The following GTF2H3 variants were observed in gnomAD, a reference collection of about 807,000 sequenced individuals.
The protein encoded by GTF2H3 is TFIIH basal transcription factor complex p34 subunit.
GTF2H3 carries 42 observed loss-of-function variants against 51.1 expected under a neutral mutation model. The ratio of observed to expected loss-of-function variants is 0.82; its 90% CI spans 0.64 to 1.06. The LOEUF is 1.06. Ranked by LOEUF, GTF2H3 falls within the 50% of genes least tolerant of loss-of-function variation. The pLI, the probability that GTF2H3 is intolerant of heterozygous loss-of-function variation, is 0.00. For synonymous variants in GTF2H3, 123 were observed against 123.8 expected (o/e 0.99, Z 0.04); for missense variants, 326 against 366.1 (o/e 0.89, Z 0.89).
intron 5 of GTF2H3, 121 bp downstream of exon 5, chr12:123,651,177 G>T: frequency 3.1e-6 from 2 of 636,984 alleles, no homozygotes; most frequent in East Asian, 2.9e-5. Context: ...TGAAGTGGAG[G>T]GTAATTTTTT....
rs760198336 is a variant in GTF2H3, at chr12:123,654,439, C to T, written c.487-485C>T. 2.6e-4 allele frequency among the ~76,000 whole-genome samples: 31 copies of T among 120,170 alleles called. 1 individual carries two copies. Among genetic ancestry groups the T allele is most frequent in the Non-Finnish European group, 4.5e-4 (25 of 56,154 alleles). 78.8% of individuals were successfully genotyped at this position (120,170 alleles called of 152,430 possible). A position where few individuals can be genotyped will look rare whatever the true frequency, so the allele number is the denominator to read the frequency against. On this transcript the variant is annotated intron_variant, in intron 7 of 12. Transcript: ENST00000543341. ...TACCTGTGTATTTTGGGTGTATGTC[C>T]GTGTGTGTATTTTGTATATGTGTGT...
chr12:123,633,859 C>G lies in GTF2H3; in HGVS notation c.-1C>G. 2 of 1,613,440 alleles carry G rather than the reference C, an allele frequency of 1.2e-6. No individual in the cohort carries two copies. The highest frequency in any genetic ancestry group is 8.5e-7 in the Non-Finnish European group (1 of 1,180,016). On this transcript the variant is annotated 5_prime_UTR_variant, in exon 1 of 13. Transcript: ENST00000543341. ...CTCTGCGCTGAGGTGCTGGGACAGC[C>G]ATGGTTTCAGACGGTGAGGACCCTG...
At chr12:123,652,939 G>A (rs1041563167) in intron 7 of GTF2H3, among the ~76,000 whole-genome samples, 1 of 151,884 alleles carries the variant, frequency 6.6e-6, no homozygotes, top group African/African-American at 2.4e-5. Context: ...TTAGCTGGGC[G>A]TGGTGGTGCA....
At position 123,659,502 on chromosome 12, in the gene GTF2H3, C is replaced by T. The variant is rs2135802510; in HGVS notation, c.616-14C>T. ...TAAGTGCGAGTTTGGCAGCAAGCCG[C>T]CTGTGTCTTGCAGGCTTGTGACATC... On this transcript the variant is annotated splice_polypyrimidine_tract_variant and intron_variant, in intron 9 of 12. Coordinates refer to ENST00000543341, the MANE Select transcript of GTF2H3 (RefSeq NM_001516.5). 6.2e-7 allele frequency: 1 copy of T among 1,613,994 alleles called. No individual in the cohort carries two copies. Among genetic ancestry groups the T allele is most frequent in the Non-Finnish European group, 8.5e-7 (1 of 1,179,868 alleles).
intron 1 of GTF2H3, among the ~76,000 whole-genome samples, chr12:123,636,882 A>G (rs11057311): frequency 6.6e-6 from 1 of 151,292 alleles, no homozygotes; most frequent in Non-Finnish European, 1.5e-5. Context: ...GCGCCATTAC[A>G]CTCCACCCTG....
chr12:123,642,364 T>C (rs1955388713), intron 2 of GTF2H3, among the ~76,000 whole-genome samples: 1 of 151,730 alleles, frequency 6.6e-6, no homozygotes, highest in African/African-American at 2.4e-5. Flanking sequence ...AGAGACGGGG[T>C]TTCGCCGTGT....
At chr12:123,657,466 C>T (rs552651229) in intron 9 of GTF2H3, among the ~76,000 whole-genome samples, 2 of 152,320 alleles carry the variant, frequency 1.3e-5, no homozygotes, top group South Asian at 4.1e-4. Context: ...GTTCTCTCTG[C>T]TCGCAAGCTC....
chr12:123,642,412 G>C (rs1593797446), intron 2 of GTF2H3, among the ~76,000 whole-genome samples: 1 of 150,350 alleles, frequency 6.7e-6, no homozygotes, highest in Non-Finnish European at 1.5e-5. Flanking sequence ...CTCGTGATCC[G>C]CCCACCTCAG....
intron 2 of GTF2H3, among the ~76,000 whole-genome samples, chr12:123,640,284 T>C (rs1948583816): frequency 6.6e-6 from 1 of 152,066 alleles, no homozygotes. Flanking sequence ...ATTTTCTAGA[T>C]TTTTTTCATG....
chr12:123,637,646 G>A lies in GTF2H3; in HGVS notation c.14-1618G>A, dbSNP rs149308733. On this transcript the variant is annotated intron_variant, in intron 1 of 12. Coordinates refer to ENST00000543341, the MANE Select transcript of GTF2H3 (RefSeq NM_001516.5). ...GCCTCCCGAGTAGCTGGAATTACAG[G>A]TGTGCACCACCATGCCCGGCTAATA... Among the ~76,000 whole-genome samples the A allele has an allele frequency of 4.7e-4, 72 of 152,006 alleles. 2 individuals carry two copies. In the East Asian group the frequency reaches 0.013, roughly 28 times the overall value.
intron 2 of GTF2H3, chr12:123,639,876 C>G (rs370397903): frequency 4.8e-6 from 2 of 414,936 alleles, no homozygotes. Context: ...TACATGTGCT[C>G]ACTTGTGTGT....
At chr12:123,638,116 C>G (rs11572928) in intron 1 of GTF2H3, among the ~76,000 whole-genome samples, 7,300 of 151,752 alleles carry the variant, frequency 0.048, 304 homozygotes, top group African/African-American at 0.11. Flanking sequence ...TCTCTCCTCA[C>G]CCTCCTGAGT....
chr12:123,655,263 AC>A (rs1402869775), intron 8 of GTF2H3, among the ~76,000 whole-genome samples: 4 of 152,064 alleles, frequency 2.6e-5, no homozygotes, highest in Admixed American at 2.0e-4. Flanking sequence ...CCATCCTTGG[AC>A]CCCATGCCAA....
At chr12:123,640,731 T>A (rs1277319455) in intron 2 of GTF2H3, among the ~76,000 whole-genome samples, 1 of 152,156 alleles carries the variant, frequency 6.6e-6, no homozygotes, top group Non-Finnish European at 1.5e-5. Context: ...ACTTGAAAAT[T>A]ATATGAAATT....
chr12:123,647,993 A>G lies in GTF2H3; in HGVS notation c.231A>G (p.Arg77=). The change falls in exon 4 of 13, where the codon AGA becomes AGG. Residue 77 remains arginine, a synonymous_variant. Coordinates refer to ENST00000543341, the MANE Select transcript of GTF2H3 (RefSeq NM_001516.5). The stretch of plus-strand genomic sequence containing the variant: ...TCTTATATCCTGGAAAGAATGGCAG[A>G]CTTGGAGACTTCTTCGGAGACCCTG... ...SRFLYPGKNG[R]LGDFFGDPGN... The G allele has an allele frequency of 6.2e-7, 1 of 1,613,830 alleles. No individual in the cohort carries two copies. Among genetic ancestry groups the G allele is most frequent in the Non-Finnish European group, 8.5e-7 (1 of 1,179,864 alleles).
intron 2 of GTF2H3, among the ~76,000 whole-genome samples, chr12:123,643,873 C>T (rs1955411944): frequency 6.6e-6 from 1 of 152,118 alleles, no homozygotes; most frequent in Non-Finnish European, 1.5e-5. Flanking sequence ...CTTTGTCACC[C>T]AGGCTAGAGT....
At chr12:123,655,192 A>C (rs1955571811) in intron 8 of GTF2H3, among the ~76,000 whole-genome samples, 194 bp downstream of exon 8, 1 of 152,162 alleles carries the variant, frequency 6.6e-6, no homozygotes, top group Non-Finnish European at 1.5e-5. Context: ...GCATTCCCAA[A>C]ACAATATGCA....
Position 123,645,489 on chromosome 12 carries a change from T to G in GTF2H3, c.128T>G (p.Val43Gly). 6.2e-7 allele frequency: 1 copy of G among 1,609,216 alleles called. No individual in the cohort carries two copies. Among genetic ancestry groups the G allele is most frequent in the Non-Finnish European group, 8.5e-7 (1 of 1,175,568 alleles). The change falls in exon 3 of 13, where the codon GTG becomes GGG. Residue 43 changes from valine (V) to glycine (G), a missense_variant. Coordinates refer to ENST00000543341, the MANE Select transcript of GTF2H3 (RefSeq NM_001516.5). Reference sequence around the variant, plus strand: ...TCCAAATGCATAGATGCCGTGATGGTGCTGGGAAATTCGCATTTATTCATG... The same window carrying G: ...TCCAAATGCATAGATGCCGTGATGGGGCTGGGAAATTCGCATTTATTCATG... ...TLSKCIDAVM[V>G]LGNSHLFMNR...
intron 7 of GTF2H3, among the ~76,000 whole-genome samples, chr12:123,653,171 G>A (rs911783873): frequency 2.0e-5 from 3 of 152,088 alleles, no homozygotes; most frequent in African/African-American, 7.2e-5. Flanking sequence ...AACTATCCAG[G>A]ATTCATTTAA....
Sources: allele counts gnomAD v4.1 joint callset (sites outside exome capture counted in the v4.1 genomes callset), GRCh38; gene constraint gnomAD v4.1.1; transcripts MANE v1.5; gene names NCBI Gene and HGNC (gene_info 2026-07-23, HGNC 2026-07-21).